Variants in PREX2 observed in about 807,000 individuals in gnomAD.
PREX2 encodes the protein phosphatidylinositol 3,4,5-trisphosphate-dependent Rac exchanger 2 protein.
Under a neutral mutation model 203.2 loss-of-function variants are expected in PREX2, and 107 were observed. The observed-to-expected ratio is 0.53, with a 90% CI of 0.45 to 0.62. The LOEUF is 0.62. Among genes scored for constraint, PREX2 ranks in the 20% least tolerant of loss-of-function variants. PREX2 has a pLI of 0.00. For missense variants in PREX2, 1,777 were observed against 1,955.9 expected (o/e 0.91, Z 1.72); for synonymous variants, 672 against 663.6 (o/e 1.01, Z -0.19).
chr8:68,021,400 C>A (rs1002845451), intron 3 of PREX2, among the ~76,000 whole-genome samples: 1 of 152,194 alleles, frequency 6.6e-6, no homozygotes, highest in African/African-American at 2.4e-5. Context: ...ATATGACTCT[C>A]TGAAACAACC....
At chr8:68,017,978 G>A in intron 2 of PREX2, 61 bp downstream of exon 2, 1 of 1,311,884 alleles carries the variant, frequency 7.6e-7, no homozygotes, top group South Asian at 1.2e-5. Flanking sequence ...AATTTTGCTG[G>A]TGCCATGGTA....
At chr8:68,185,977 A>G (rs1380033730) in intron 35 of PREX2, among the ~76,000 whole-genome samples, 3 of 148,552 alleles carry the variant, frequency 2.0e-5, no homozygotes, top group African/African-American at 7.6e-5. Flanking sequence ...TTTTGCCATT[A>G]ACTTTTCCCA....
At chr8:67,961,245 A>T (rs1805625349) in intron 1 of PREX2, among the ~76,000 whole-genome samples, 1 of 152,046 alleles carries the variant, frequency 6.6e-6, no homozygotes, top group South Asian at 2.1e-4. Context: ...TTGACCTAAA[A>T]ATAATTGTTT....
chr8:68,211,969 G>A (rs577410405), intron 37 of PREX2, among the ~76,000 whole-genome samples: 21 of 152,224 alleles, frequency 1.4e-4, no homozygotes, highest in East Asian at 3.9e-4. Context: ...GGTAATTTAC[G>A]TAACAAATTG....
At chr8:68,160,122 A>T (rs892033838) in intron 35 of PREX2, among the ~76,000 whole-genome samples, 2 of 152,206 alleles carry the variant, frequency 1.3e-5, no homozygotes, top group South Asian at 2.1e-4. Context: ...TCTCATGAAC[A>T]TATCAGCTCT....
chr8:68,180,883 G>A (rs1237996006), intron 35 of PREX2, among the ~76,000 whole-genome samples: 1 of 152,058 alleles, frequency 6.6e-6, no homozygotes, highest in Admixed American at 6.6e-5. Context: ...AATTTGAATG[G>A]AAAAGGAGAG....
In PREX2 at chr8:68,231,477, C is replaced by CTTTT. The variant is rs10581964; in HGVS notation, c.*114_*117dup. 1.1e-4 allele frequency: 50 copies of CTTTT among 473,808 alleles called. No homozygotes were observed. The highest frequency in any genetic ancestry group is 3.0e-4 in the African/African-American group (13 of 43,698). The allele number at this position is 473,808 out of a possible 1,614,324, so 29.4% of individuals were successfully genotyped here. ...ATTCTCCACTGAAGATACATCAATG[C>CTTTT]TTTTTTTTTTTTTTTTTTCTGTAAA... On this transcript the variant is annotated 3_prime_UTR_variant, in exon 40 of 40. Transcript: ENST00000288368.
chr8:68,217,651 T>G lies in PREX2; in HGVS notation c.4640T>G (p.Ile1547Ser). 6.2e-7 allele frequency: 1 copy of G among 1,614,162 alleles called. No homozygotes were observed. The highest frequency in any genetic ancestry group is 8.5e-7 in the Non-Finnish European group (1 of 1,179,992). ...AGCGTGACGCTGGAGCAAGCCATCA[T>G]TCTGGCCAGAAGCCACGGACTGCCA... ...TLSVTLEQAI[I>S]LARSHGLPPR... Residue 1547 changes from isoleucine to serine, a missense_variant, in exon 38 of 40, where the codon ATT becomes AGT. Coordinates refer to ENST00000288368, the MANE Select transcript of PREX2 (RefSeq NM_024870.4).
rs1017939860 is a variant in PREX2 at position 68,108,316 on chromosome 8, A to G, written c.2923A>G (p.Lys975Glu). ...RKHNSHDKEN[K>E]SSEQGKLSPM... is the part of the protein sequence containing the mutation. ...GCATAATTCTCATGATAAAGAAAAC[A>G]AATCTTCGGAGCAAGGTATGCTAGC... Residue 975 changes from lysine (K) to glutamate (E), a missense_variant, in exon 24 of 40, where the codon AAA becomes GAA. Transcript: ENST00000288368. 1.2e-6 allele frequency: 2 copies of G among 1,613,338 alleles called. No individual in the cohort carries two copies. The highest frequency in any genetic ancestry group is 1.7e-4 in the Middle Eastern group (1 of 6,056).
chr8:68,094,863 G>A (rs7839245), intron 21 of PREX2: 69,924 of 152,066 alleles, frequency 0.46, 16,610 homozygotes, highest in African/African-American at 0.57. Context: ...CATTTCAGGC[G>A]CCTGTCACAT....
intron 24 of PREX2, chr8:68,108,972 C>A (rs75507331): frequency 1.6e-4 from 71 of 439,938 alleles, no homozygotes; most frequent in Non-Finnish European, 2.7e-4. Flanking sequence ...TATATGATCT[C>A]ATTTATATGA....
intron 1 of PREX2, among the ~76,000 whole-genome samples, chr8:67,960,728 T>C (rs1288116435): frequency 1.3e-5 from 2 of 152,128 alleles, no homozygotes; most frequent in Non-Finnish European, 2.9e-5. Flanking sequence ...ATGTTCTGTT[T>C]TGTTTTGCTC....
chr8:67,985,935 C>T (rs10112957), intron 1 of PREX2, among the ~76,000 whole-genome samples: 60,136 of 152,018 alleles, frequency 0.4, 12,205 homozygotes, highest in East Asian at 0.61. Context: ...GCAGGGAACA[C>T]AGATCTAATT....
chr8:68,027,307 A>G lies in PREX2; in HGVS notation c.527A>G (p.Tyr176Cys), dbSNP rs1366509436. The change falls in exon 5 of 40, where the codon TAC becomes TGC. Residue 176 changes from tyrosine (Y) to cysteine (C), a missense_variant. Transcript: ENST00000288368. ...LVTPIQRICK[Y>C]PLILKELLKR... ...ACACCAATACAAAGAATATGCAAGT[A>G]CCCTCTTATTTTGAAGGTATTTTAT... 1 of 1,599,220 alleles carries G rather than the reference A, an allele frequency of 6.3e-7. No individual in the cohort carries two copies.
intron 21 of PREX2, among the ~76,000 whole-genome samples, chr8:68,095,418 TA>T (rs1435070282): frequency 6.6e-6 from 1 of 152,064 alleles, no homozygotes; most frequent in Non-Finnish European, 1.5e-5. Flanking sequence ...GGGCTTGTTA[TA>T]AATAACAAAA....
At chr8:67,965,537 G>GTA (rs1259760951) in intron 1 of PREX2, among the ~76,000 whole-genome samples, 2 of 151,614 alleles carry the variant, frequency 1.3e-5, no homozygotes, top group Non-Finnish European at 2.9e-5. Context: ...ATGTGTATAT[G>GTA]TATATATATA....
chr8:68,035,608 A>G (rs114702581), intron 6 of PREX2, among the ~76,000 whole-genome samples: 25 of 152,300 alleles, frequency 1.6e-4, no homozygotes, highest in African/African-American at 6.0e-4. Context: ...TAAATGCAGT[A>G]TAAAGGAAAA....
At chr8:68,109,697 T>C (rs989283279) in intron 25 of PREX2, 74 bp downstream of exon 25, 2 of 1,219,998 alleles carry the variant, frequency 1.6e-6, no homozygotes, top group African/African-American at 1.5e-5. Context: ...AAAAATTCAA[T>C]CATTCTCTCT....
chr8:68,227,760 C>T (rs1813081162), intron 39 of PREX2, among the ~76,000 whole-genome samples: 1 of 152,146 alleles, frequency 6.6e-6, no homozygotes, highest in Admixed American at 6.5e-5. Flanking sequence ...CAGCCATAGT[C>T]ACACTACTGG....
Sources: allele counts gnomAD v4.1 joint callset (sites outside exome capture counted in the v4.1 genomes callset), GRCh38; gene constraint gnomAD v4.1.1; transcripts MANE v1.5; gene names NCBI Gene and HGNC (gene_info 2026-07-23, HGNC 2026-07-21).